The following ARSG variants were observed in gnomAD, a reference collection of about 807,000 sequenced individuals.
ARSG encodes ASG.
A neutral mutation model predicts 50.5 loss-of-function variants in ARSG; 37 were observed. That is an observed-to-expected ratio of 0.73 (90% CI 0.56 to 0.96). The LOEUF (loss-of-function observed/expected upper bound fraction) is 0.96. ARSG is among the 50% of genes least tolerant of loss of function. The pLI is 0.00. For synonymous variants in ARSG, 225 were observed against 254.6 expected (o/e 0.88, Z 1.11); for missense variants, 629 against 675.3 (o/e 0.93, Z 0.76).
chr17:68,373,242 T>C (rs1268046771), intron 8 of ARSG, among the ~76,000 whole-genome samples: 1 of 148,398 alleles, frequency 6.7e-6, no homozygotes, highest in Admixed American at 6.8e-5. Context: ...AATTTTTTTT[T>C]TTTTGAGATG....
At chr17:68,315,186 C>T (rs1208192810) in intron 2 of ARSG, among the ~76,000 whole-genome samples, 10 of 152,144 alleles carry the variant, frequency 6.6e-5, no homozygotes, top group African/African-American at 2.2e-4. Flanking sequence ...CAGGGCTGGG[C>T]AGAACTGGGG....
intron 8 of ARSG, chr17:68,379,916 C>G: frequency 1.0e-6 from 1 of 954,000 alleles, no homozygotes; most frequent in Non-Finnish European, 1.2e-6. Context: ...TGTACACTGT[C>G]TTATATAACT....
intron 1 of ARSG, among the ~76,000 whole-genome samples, chr17:68,294,546 A>G (rs1555757467): frequency 6.6e-6 from 1 of 152,126 alleles, no homozygotes; most frequent in Non-Finnish European, 1.5e-5. Context: ...CTGACTCTTC[A>G]GGGCAGCCAT....
intron 9 of ARSG, among the ~76,000 whole-genome samples, chr17:68,388,510 G>A (rs1345601675): frequency 6.6e-6 from 1 of 152,184 alleles, no homozygotes; most frequent in Non-Finnish European, 1.5e-5. Context: ...GGAAGGGCCT[G>A]CTCTGCCTCT....
intron 3 of ARSG, chr17:68,346,708 A>G (rs917210932): frequency 2.6e-5 from 32 of 1,226,162 alleles, no homozygotes; most frequent in South Asian, 1.8e-4. Context: ...CCAGGCAGGA[A>G]GCGGGCATTT....
chr17:68,324,596 A>G (rs1555771751), intron 2 of ARSG, among the ~76,000 whole-genome samples: 1 of 152,148 alleles, frequency 6.6e-6, no homozygotes, highest in Non-Finnish European at 1.5e-5. Context: ...TCAATATGGC[A>G]CCGTGATGAG....
At chr17:68,343,330 T>C (rs902688205) in intron 2 of ARSG, among the ~76,000 whole-genome samples, 14 of 152,164 alleles carry the variant, frequency 9.2e-5, no homozygotes, top group Admixed American at 6.5e-4. Context: ...CTAATTTTTA[T>C]ATTTTTAGTA....
In ARSG at chr17:68,262,788, TG is replaced by T. The variant is rs369656515; in HGVS notation, c.-552+3363del. Among the ~76,000 whole-genome samples the T allele has an allele frequency of 6.3e-3, 961 of 152,200 alleles. 10 individuals are homozygous for T. The highest frequency in any genetic ancestry group is 0.021 in the African/African-American group (878 of 41,524). On this transcript the variant is annotated intron_variant, in intron 1 of 11. Coordinates refer to the ARSG transcript ENST00000448504. The stretch of plus-strand genomic sequence containing the variant: ...TTTAGAAAGGAGAGCCGATTGGATG[TG>T]TGGAGGAGTGGGTTTGAGGAGGATG...
At chr17:68,335,842 A>G (rs1161475617) in intron 2 of ARSG, among the ~76,000 whole-genome samples, 1 of 152,182 alleles carries the variant, frequency 6.6e-6, no homozygotes, top group Admixed American at 6.5e-5. Flanking sequence ...GAAGCAAAGG[A>G]GGTGCAGGCA....
chr17:68,314,525 CAAA>C (rs57021660), intron 2 of ARSG, among the ~76,000 whole-genome samples: 57,025 of 116,732 alleles, frequency 0.49, 13,703 homozygotes, highest in Middle Eastern at 0.63. Flanking sequence ...GACTCCATCT[CAAA>C]AAAAAAAAAA....
At chr17:68,284,403 A>G (rs965976447) in intron 1 of ARSG, among the ~76,000 whole-genome samples, 1 of 152,118 alleles carries the variant, frequency 6.6e-6, no homozygotes, top group Non-Finnish European at 1.5e-5. Context: ...AAAATAAATA[A>G]ATAAAATAAT....
intron 2 of ARSG, among the ~76,000 whole-genome samples, chr17:68,339,925 C>T (rs1486163680): frequency 6.6e-6 from 1 of 152,218 alleles, no homozygotes; most frequent in East Asian, 1.9e-4. Flanking sequence ...AACACATCCA[C>T]TGATCATCAG....
chr17:68,448,199 A>ATCCC, the ARSG span: 1 of 152,198 alleles, frequency 6.6e-6, no homozygotes, highest in Non-Finnish European at 1.5e-5. Context: ...ACACCACAGA[A>ATCCC]TCCCTACCTG....
chr17:68,270,560 A>C (rs2075305897), intron 1 of ARSG, among the ~76,000 whole-genome samples: 1 of 151,906 alleles, frequency 6.6e-6, no homozygotes, highest in Admixed American at 6.6e-5. Flanking sequence ...TCTCAAAAAA[A>C]AAAAAAAAAG....
At chr17:68,432,628 T>C in the ARSG span, among the ~76,000 whole-genome samples, 5 of 152,052 alleles carry the variant, frequency 3.3e-5, no homozygotes, top group Non-Finnish European at 5.9e-5. Flanking sequence ...CTGTTACGTA[T>C]GTGTTAGCAT....
At chr17:68,348,915 G>A (rs2078630837) in intron 4 of ARSG, among the ~76,000 whole-genome samples, 1 of 152,116 alleles carries the variant, frequency 6.6e-6, no homozygotes, top group Non-Finnish European at 1.5e-5. Context: ...CTAACACTGG[G>A]GTATGAGGAT....
At chr17:68,339,249 G>C (rs958994963) in intron 2 of ARSG, among the ~76,000 whole-genome samples, 3 of 152,046 alleles carry the variant, frequency 2.0e-5, no homozygotes, top group Non-Finnish European at 4.4e-5. Flanking sequence ...AGTGAGCCGA[G>C]ATCGCACCAC....
chr17:68,440,815 C>T, the ARSG span: 1 of 152,186 alleles, frequency 6.6e-6, no homozygotes, highest in South Asian at 2.1e-4. Context: ...TATTGCATGT[C>T]AAACTTTAGG....
At position 68,275,238 on chromosome 17, in the gene ARSG, A is replaced by G. The variant is rs116278978; in HGVS notation, c.-552+15812A>G. ...TTTAAATCTGGCAAATTAGTTTCCT[A>G]GTTATAGGTTACTTAATATTAACTT... On this transcript the variant is annotated intron_variant, in intron 1 of 11. Coordinates refer to the ARSG transcript ENST00000448504. Among the ~76,000 whole-genome samples, 583 of 152,316 alleles carry G rather than the reference A, an allele frequency of 3.8e-3. 6 individuals are homozygous for G. Among genetic ancestry groups the G allele is most frequent in the African/African-American group, 0.013 (547 of 41,576 alleles).
Sources: gnomAD v4.1 joint callset for allele counts (sites outside exome capture counted in the v4.1 genomes callset) on GRCh38, gnomAD v4.1.1 for gene constraint, MANE v1.5 for transcripts, NCBI Gene and HGNC (gene_info 2026-07-23, HGNC 2026-07-21) for gene names.